PTBP3: variants seen among roughly 807,000 people sequenced by gnomAD.
PTBP3 encodes the protein polypyrimidine tract-binding protein 3.
A neutral mutation model predicts 58.7 loss-of-function variants in PTBP3; 20 were observed. That is an observed-to-expected ratio of 0.34 (90% confidence interval 0.24 to 0.50). The LOEUF (loss-of-function observed/expected upper bound fraction) is 0.50. PTBP3 is among the 20% of genes least tolerant of loss of function. The pLI, the probability that PTBP3 is intolerant of heterozygous loss-of-function variation, is 0.98. For synonymous variants in PTBP3, 185 were observed against 219.8 expected (o/e 0.84, Z 1.40); for missense variants, 509 against 637.2 (o/e 0.80, Z 2.17).
intron 2 of PTBP3, among the ~76,000 whole-genome samples, chr9:112,276,501 T>C (rs959483974): frequency 1.3e-5 from 2 of 152,088 alleles, no homozygotes; most frequent in African/African-American, 2.4e-5. Context: ...TAAAGTTTAT[T>C]TCTTGGGTGC....
chr9:112,358,999 T>TA, the PTBP3 span, among the ~76,000 whole-genome samples: 1 of 152,266 alleles, frequency 6.6e-6, no homozygotes, highest in Non-Finnish European at 1.5e-5. Context: ...TATGCCTAGC[T>TA]AAAATTTTTA....
chr9:112,233,278 T>G (rs1232018468), intron 8 of PTBP3, among the ~76,000 whole-genome samples: 2 of 25,668 alleles, frequency 7.8e-5, no homozygotes, highest in African/African-American at 6.9e-4. Flanking sequence ...GTAGGGTGTG[T>G]GTGTGTGTGT....
chr9:112,247,664 A>G (rs1417472062), intron 7 of PTBP3, among the ~76,000 whole-genome samples: 2 of 152,188 alleles, frequency 1.3e-5, no homozygotes, highest in African/African-American at 4.8e-5. Flanking sequence ...ACAATGAGCT[A>G]TGATCACGCC....
chr9:112,338,600 T>C (rs529813278), upstream of PTBP3, among the ~76,000 whole-genome samples: 2 of 152,328 alleles, frequency 1.3e-5, no homozygotes, highest in South Asian at 4.1e-4. Flanking sequence ...GTGAGTATAA[T>C]TTATAGTTTT....
At chr9:112,304,491 T>C (rs1829081153) in intron 1 of PTBP3, among the ~76,000 whole-genome samples, 1 of 152,240 alleles carries the variant, frequency 6.6e-6, no homozygotes, top group Non-Finnish European at 1.5e-5. Context: ...TTTACAAAGT[T>C]ATAATATGAA....
At chr9:112,314,184 C>T (rs536621451) in intron 1 of PTBP3, among the ~76,000 whole-genome samples, 3 of 152,202 alleles carry the variant, frequency 2.0e-5, no homozygotes, top group South Asian at 2.1e-4. Flanking sequence ...GGACCAATCT[C>T]CCAAGGACAA....
In PTBP3 at chr9:112,252,033, G is replaced by A. The variant is rs1836143688; in HGVS notation, c.627+645C>T. Reference sequence around the variant, plus strand: ...CAAGATGAAATTAGAGTCAGGGATAGATATCAACAAGAGGTATGTCTAAGA... The same window carrying A: ...CAAGATGAAATTAGAGTCAGGGATAAATATCAACAAGAGGTATGTCTAAGA... On this transcript the variant is annotated intron_variant, in intron 6 of 13. Coordinates refer to ENST00000374257, the MANE Select transcript of PTBP3 (RefSeq NM_001163788.4). 2.0e-5 allele frequency among the ~76,000 whole-genome samples: 3 copies of A among 151,928 alleles called. No individual in the cohort carries two copies. The South Asian group carries it at 6.2e-4, about 31-fold the overall frequency.
At chr9:112,282,647 T>TTA (rs923812122) in intron 2 of PTBP3, among the ~76,000 whole-genome samples, 2 of 152,300 alleles carry the variant, frequency 1.3e-5, no homozygotes, top group African/African-American at 4.8e-5. Flanking sequence ...ATTTTTATTT[T>TTA]TTTTTTTACT....
chr9:112,293,697 C>T (rs1564440968), intron 2 of PTBP3, among the ~76,000 whole-genome samples: 3 of 152,234 alleles, frequency 2.0e-5, no homozygotes, highest in Non-Finnish European at 2.9e-5. Context: ...AACTCTCACC[C>T]TTAGTGTGTA....
chr9:112,230,456 T>A (rs2131970596), intron 10 of PTBP3, among the ~76,000 whole-genome samples: 1 of 152,318 alleles, frequency 6.6e-6, no homozygotes, highest in Admixed American at 6.5e-5. Context: ...CAAGATCCAC[T>A]GATTTACGGG....
chr9:112,287,910 T>C (rs995875519), intron 2 of PTBP3, among the ~76,000 whole-genome samples: 1 of 152,242 alleles, frequency 6.6e-6, no homozygotes, highest in African/African-American at 2.4e-5. Context: ...TTTCTGTTGA[T>C]TAATTTTTCA....
intron 1 of PTBP3, among the ~76,000 whole-genome samples, chr9:112,303,049 C>T (rs1476159541): frequency 6.6e-6 from 1 of 152,050 alleles, no homozygotes; most frequent in Non-Finnish European, 1.5e-5. Flanking sequence ...GAAATTATTC[C>T]ACTGGTTACT....
At chr9:112,290,716 A>ACACACACACACACC (rs1828379064) in intron 2 of PTBP3, among the ~76,000 whole-genome samples, 1 of 144,976 alleles carries the variant, frequency 6.9e-6, no homozygotes, top group Admixed American at 6.9e-5. Flanking sequence ...ATACACACAC[A>ACACACACACACACC]CACACACACA....
At position 112,220,910 on chromosome 9, in the gene PTBP3, A is replaced by G; in HGVS notation, c.*2941T>C. The stretch of plus-strand genomic sequence containing the variant: ...AAAAATAGGATACTACGGTAGATCA[A>G]CAGAGAAAAACCATTGCTAGAAGAT... On this transcript the variant is annotated 3_prime_UTR_variant, in exon 14 of 14. Transcript: ENST00000374257. 1.0e-6 allele frequency: 1 copy of G among 967,482 alleles called. No homozygotes were observed. Among genetic ancestry groups the G allele is most frequent in the Non-Finnish European group, 1.2e-6 (1 of 813,614 alleles). 59.9% of individuals were successfully genotyped at this position (967,482 alleles called of 1,614,324 possible). A position where few individuals can be genotyped will look rare whatever the true frequency, so the allele number is the denominator to read the frequency against.
At chr9:112,232,033 G>GA (rs1835261722) in intron 9 of PTBP3, 66 bp downstream of exon 9, 1 of 1,254,188 alleles carries the variant, frequency 8.0e-7, no homozygotes, top group Non-Finnish European at 1.1e-6. Flanking sequence ...AGAAAAGAAA[G>GA]AAAGAAAAAA....
upstream of PTBP3, among the ~76,000 whole-genome samples, chr9:112,337,768 T>C (rs1830588906): frequency 6.6e-6 from 1 of 152,256 alleles, no homozygotes; most frequent in Non-Finnish European, 1.5e-5. Flanking sequence ...CGATTATCTT[T>C]GGACAACATG....
chr9:112,362,401 C>T, the PTBP3 span, among the ~76,000 whole-genome samples: 1 of 152,178 alleles, frequency 6.6e-6, no homozygotes, highest in African/African-American at 2.4e-5. Context: ...ATATATTGGA[C>T]ACTGGAGCCT....
At chr9:112,323,248 A>C (rs749256860) in intron 1 of PTBP3, among the ~76,000 whole-genome samples, 10 of 152,108 alleles carry the variant, frequency 6.6e-5, no homozygotes, top group Non-Finnish European at 8.8e-5. Context: ...GCAAAATCCT[A>C]TCTCAAAAAA....
chr9:112,287,805 CTCA>C (rs2132266298), intron 2 of PTBP3, among the ~76,000 whole-genome samples: 1 of 152,154 alleles, frequency 6.6e-6, no homozygotes. Context: ...CCTTCCTATG[CTCA>C]TATTTTCCTT....
Sources: gnomAD v4.1 joint callset for allele counts (sites outside exome capture counted in the v4.1 genomes callset) on GRCh38, gnomAD v4.1.1 for gene constraint, MANE v1.5 for transcripts, NCBI Gene and HGNC (gene_info 2026-07-23, HGNC 2026-07-21) for gene names.